Variants in CAMTA1 observed in about 807,000 individuals in gnomAD.
CAMTA1 encodes the protein calmodulin-binding transcription activator 1.
CAMTA1 carries 27 observed loss-of-function variants against 170.9 expected under a neutral mutation model. The observed-to-expected ratio is 0.16, with a 90% CI of 0.12 to 0.22. The LOEUF (loss-of-function observed/expected upper bound fraction) is 0.22. CAMTA1 is among the 10% of genes least tolerant of loss of function. CAMTA1 has a pLI of 1.00. For synonymous variants in CAMTA1, 833 were observed against 891.5 expected, an observed-to-expected ratio of 0.93 and a Z score of 1.17; for missense variants, 1,619 against 2,217.2, an observed-to-expected ratio of 0.73 and a Z score of 5.42.
intron 4 of CAMTA1, among the ~76,000 whole-genome samples, chr1:7,186,691 G>C (rs1204643045): frequency 6.6e-6 from 1 of 152,162 alleles, no homozygotes; most frequent in Non-Finnish European, 1.5e-5. Flanking sequence ...TTTAGAATGA[G>C]TTTTATTCAT....
At chr1:7,090,095 A>T (rs1641282940) in intron 3 of CAMTA1, among the ~76,000 whole-genome samples, 1 of 152,174 alleles carries the variant, frequency 6.6e-6, no homozygotes, top group South Asian at 2.1e-4. Flanking sequence ...CTCAGTTCCC[A>T]ATCACTGGCT....
intron 6 of CAMTA1, among the ~76,000 whole-genome samples, chr1:7,577,560 C>T (rs2095211947): frequency 6.6e-6 from 1 of 151,900 alleles, no homozygotes; most frequent in Non-Finnish European, 1.5e-5. Context: ...GCCCCTACAA[C>T]CCTTTTTTTT....
chr1:7,429,351 G>A (rs1224295213), intron 5 of CAMTA1, among the ~76,000 whole-genome samples: 1 of 152,312 alleles, frequency 6.6e-6, no homozygotes, highest in African/African-American at 2.4e-5. Flanking sequence ...TGGTGATGAG[G>A]ATGGAGATAA....
At chr1:7,152,209 G>T (rs577500329) in intron 4 of CAMTA1, among the ~76,000 whole-genome samples, 3 of 152,266 alleles carry the variant, frequency 2.0e-5, no homozygotes, top group African/African-American at 7.2e-5. Flanking sequence ...CACAGCCTCC[G>T]CCATGGGAAG....
chr1:6,898,599 G>C (rs1676169639), intron 3 of CAMTA1, among the ~76,000 whole-genome samples: 1 of 152,172 alleles, frequency 6.6e-6, no homozygotes, highest in South Asian at 2.1e-4. Context: ...CTGTCTCCAG[G>C]CAGATAAGTT....
At chr1:7,402,035 G>T (rs1364344128) in intron 5 of CAMTA1, among the ~76,000 whole-genome samples, 1 of 152,182 alleles carries the variant, frequency 6.6e-6, no homozygotes, top group African/African-American at 2.4e-5. Flanking sequence ...TAAACCACTT[G>T]CTCTCTTATT....
At chr1:7,589,161 C>T (rs1028272820) in intron 6 of CAMTA1, among the ~76,000 whole-genome samples, 14 of 152,184 alleles carry the variant, frequency 9.2e-5, no homozygotes, top group Non-Finnish European at 1.8e-4. Flanking sequence ...TCTTGAGGGC[C>T]GACAGGGTCA....
In CAMTA1 at chr1:6,887,935, T is replaced by C. The variant is rs1571397157; in HGVS notation, c.234+62725T>C. ...TTACGAAGGAGCTCCGCAGCCTGAC[T>C]GAGCTCTGGAGAGCAGGGCTCTGTG... is the stretch of plus-strand genomic sequence containing the variant. On this transcript the variant is annotated intron_variant, in intron 3 of 22. Coordinates refer to ENST00000303635, the MANE Select transcript of CAMTA1 (RefSeq NM_015215.4). The surrounding 1 kb of genome is among the most constrained non-coding windows in gnomAD (Gnocchi z 4.1). 3.8e-6 allele frequency: 5 copies of C among 1,322,386 alleles called. No homozygotes were observed. In the East Asian group the frequency reaches 1.6e-4, roughly 42 times the overall value. The allele number at this position is 1,322,386 out of a possible 1,614,324, so 81.9% of individuals were successfully genotyped here.
rs200141353 is a variant in CAMTA1 at position 6,797,463 on chromosome 1, G to A, written c.45+11888G>A. ...TGCAGTGGCATGATCTTGGCTCACCGCAACCTCTGCCTCCTGTGTTCAAGC... is the reference window on the plus strand; with the variant it reads ...TGCAGTGGCATGATCTTGGCTCACCACAACCTCTGCCTCCTGTGTTCAAGC... On this transcript the variant is annotated intron_variant, in intron 1 of 22. Transcript: ENST00000303635. 4.6e-5 allele frequency among the ~76,000 whole-genome samples: 7 copies of A among 151,118 alleles called. No individual in the cohort carries two copies. The East Asian group carries it at 5.8e-4, about 13-fold the overall frequency.
At chr1:6,979,644 C>T (rs1340840094) in intron 3 of CAMTA1, among the ~76,000 whole-genome samples, 2 of 152,184 alleles carry the variant, frequency 1.3e-5, no homozygotes, top group African/African-American at 4.8e-5. Flanking sequence ...AGGACCATTA[C>T]CATCTCCCTA....
chr1:7,383,985 T>C (rs570889717), intron 5 of CAMTA1, among the ~76,000 whole-genome samples: 1 of 152,086 alleles, frequency 6.6e-6, no homozygotes, highest in South Asian at 2.1e-4. Context: ...CCCATACATG[T>C]AATGGAGCAA....
At chr1:7,129,250 G>A (rs1043801536) in intron 4 of CAMTA1, among the ~76,000 whole-genome samples, 2 of 152,196 alleles carry the variant, frequency 1.3e-5, no homozygotes, top group African/African-American at 2.4e-5. Flanking sequence ...TTAGGTTGGT[G>A]TAAACTGTGA....
chr1:7,179,611 C>T (rs1001568737), intron 4 of CAMTA1, among the ~76,000 whole-genome samples: 3 of 152,090 alleles, frequency 2.0e-5, no homozygotes, highest in East Asian at 1.9e-4. Context: ...TGAAAATACC[C>T]TATCATCTGG....
chr1:7,379,820 C>G (rs1230406258), intron 5 of CAMTA1, among the ~76,000 whole-genome samples: 4 of 152,224 alleles, frequency 2.6e-5, no homozygotes, highest in Non-Finnish European at 5.9e-5. Flanking sequence ...CTAAGGACAG[C>G]TTTCCTTGTG....
chr1:7,648,997 AG>A (rs2149013347), intron 7 of CAMTA1, among the ~76,000 whole-genome samples: 1 of 152,342 alleles, frequency 6.6e-6, no homozygotes, highest in South Asian at 2.1e-4. Flanking sequence ...CAGGCGTTGG[AG>A]GCCACACGGA....
chr1:7,405,433 C>T (rs747131335), intron 5 of CAMTA1, among the ~76,000 whole-genome samples: 3 of 152,130 alleles, frequency 2.0e-5, no homozygotes, highest in African/African-American at 4.8e-5. Flanking sequence ...TGCAGTAGCA[C>T]GATCATGGCT....
intron 3 of CAMTA1, among the ~76,000 whole-genome samples, chr1:7,058,367 C>T (rs913761580): frequency 6.6e-6 from 1 of 152,176 alleles, no homozygotes; most frequent in African/African-American, 2.4e-5. Flanking sequence ...AAAAGACATC[C>T]AAGCACTTTG....
At chr1:7,574,705 C>T (rs192849807) in intron 6 of CAMTA1, among the ~76,000 whole-genome samples, 4 of 152,328 alleles carry the variant, frequency 2.6e-5, no homozygotes, top group Admixed American at 6.5e-5. Flanking sequence ...TAACCTCAGC[C>T]GTCTGTGCCT....
intron 1 of CAMTA1, among the ~76,000 whole-genome samples, chr1:6,814,730 A>G (rs916436987): frequency 2.0e-5 from 3 of 152,202 alleles, no homozygotes; most frequent in Admixed American, 6.5e-5. Context: ...AAAGGTGCTA[A>G]GTAGTAAAGG....
Sources: gnomAD v4.1 joint callset for allele counts (sites outside exome capture counted in the v4.1 genomes callset) on GRCh38, gnomAD v4.1.1 for gene constraint, Gnocchi (gnomAD v3.1) non-coding constraint, MANE v1.5 for transcripts, NCBI Gene and HGNC (gene_info 2026-07-23, HGNC 2026-07-21) for gene names.